The following FGF12 variants were observed in gnomAD, a reference collection of about 807,000 sequenced individuals.
FGF12 encodes the protein fibroblast growth factor 12.
FGF12 carries 14 observed loss-of-function variants against 23.6 expected under a neutral mutation model. The observed-to-expected ratio is 0.59, with a 90% CI of 0.39 to 0.93. The LOEUF (loss-of-function observed/expected upper bound fraction) is 0.93. Ranked by LOEUF, FGF12 falls within the 40% of genes least tolerant of loss-of-function variation. The pLI is 0.00. For synonymous variants in FGF12, 62 were observed against 77.3 expected, an observed-to-expected ratio of 0.80 and a Z score of 1.04; for missense variants, 175 against 217.8, an observed-to-expected ratio of 0.80 and a Z score of 1.24.
intron 2 of FGF12, among the ~76,000 whole-genome samples, chr3:192,502,082 A>G (rs1724148506): frequency 6.6e-6 from 1 of 152,162 alleles, no homozygotes; most frequent in Non-Finnish European, 1.5e-5. Flanking sequence ...GTTGCTCCCT[A>G]GGGTAGAGAT....
chr3:192,581,685 T>C (rs925652828), intron 2 of FGF12, among the ~76,000 whole-genome samples: 21 of 152,010 alleles, frequency 1.4e-4, no homozygotes, highest in Non-Finnish European at 2.9e-4. Context: ...AAAATGTAAA[T>C]GAAAATATTT....
At chr3:192,370,698 G>A (rs530261086) in intron 2 of FGF12, among the ~76,000 whole-genome samples, 1 of 152,342 alleles carries the variant, frequency 6.6e-6, no homozygotes, top group Non-Finnish European at 1.5e-5. Flanking sequence ...AAAGGATACT[G>A]TGGTTATGGG....
chr3:192,520,250 C>T (rs904559755), intron 2 of FGF12, among the ~76,000 whole-genome samples: 2 of 152,136 alleles, frequency 1.3e-5, no homozygotes, highest in Non-Finnish European at 2.9e-5. Context: ...AGATAGATAT[C>T]GTTAATACTT....
At chr3:192,498,847 G>A (rs1724037584) in intron 2 of FGF12, among the ~76,000 whole-genome samples, 1 of 152,186 alleles carries the variant, frequency 6.6e-6, no homozygotes, top group Admixed American at 6.5e-5. Context: ...TGTTATCCCA[G>A]TCCACAACAC....
At chr3:192,599,269 A>AATAATAATAATAATAATTATT (rs3043818) in intron 2 of FGF12, among the ~76,000 whole-genome samples, 136 of 148,092 alleles carry the variant, frequency 9.2e-4, no homozygotes, top group African/African-American at 3.2e-3. Context: ...TAATAATAAT[A>AATAATAATAATAATAATTATT]ATAATAATAA....
intron 2 of FGF12, among the ~76,000 whole-genome samples, chr3:192,523,891 A>C (rs2108847361): frequency 6.6e-6 from 1 of 152,330 alleles, no homozygotes; most frequent in East Asian, 1.9e-4. Context: ...AAACCATGTA[A>C]AACCACATAG....
chr3:192,300,038 C>G (rs1715253041), intron 4 of FGF12, among the ~76,000 whole-genome samples: 1 of 152,192 alleles, frequency 6.6e-6, no homozygotes, highest in African/African-American at 2.4e-5. Context: ...CCTATTTTCT[C>G]TATGGATTGT....
chr3:192,518,410 A>AG (rs2108844462), intron 2 of FGF12, among the ~76,000 whole-genome samples: 2 of 152,272 alleles, frequency 1.3e-5, no homozygotes, highest in South Asian at 4.1e-4. Context: ...TAATTGTGTA[A>AG]GGGAGTTTTG....
intron 2 of FGF12, among the ~76,000 whole-genome samples, chr3:192,507,073 T>C (rs1263323086): frequency 1.3e-5 from 2 of 151,882 alleles, no homozygotes; most frequent in African/African-American, 2.4e-5. Flanking sequence ...TTTGTATTTT[T>C]AGTAGAGACG....
At chr3:192,278,252 T>C (rs1713923813) in intron 4 of FGF12, among the ~76,000 whole-genome samples, 1 of 152,076 alleles carries the variant, frequency 6.6e-6, no homozygotes, top group Non-Finnish European at 1.5e-5. Flanking sequence ...TTCCAGAAAA[T>C]ATAGAAATCT....
intron 2 of FGF12, among the ~76,000 whole-genome samples, chr3:192,608,682 C>T (rs1368143047): frequency 1.3e-5 from 2 of 152,132 alleles, no homozygotes; most frequent in Admixed American, 6.6e-5. Context: ...GATGCTTTTA[C>T]ATCTAGAAGC....
intron 2 of FGF12, among the ~76,000 whole-genome samples, chr3:192,635,694 T>G (rs1422936646): frequency 1.3e-5 from 2 of 152,194 alleles, no homozygotes; most frequent in African/African-American, 4.8e-5. Context: ...TTGCTGTACA[T>G]TTTTTTCTTT....
At chr3:192,578,128 G>C (rs189868903) in intron 2 of FGF12, among the ~76,000 whole-genome samples, 57 of 152,280 alleles carry the variant, frequency 3.7e-4, no homozygotes, top group Non-Finnish European at 4.4e-5. Context: ...TTGTCTGAAA[G>C]ATAATTTCAA....
intron 2 of FGF12, among the ~76,000 whole-genome samples, chr3:192,485,745 T>A (rs1379225862): frequency 6.6e-6 from 1 of 152,160 alleles, no homozygotes; most frequent in Non-Finnish European, 1.5e-5. Flanking sequence ...TTATTCAACA[T>A]ACTTATGTGA....
intron 4 of FGF12, chr3:192,266,920 A>G (rs1321578971): frequency 6.6e-6 from 1 of 152,150 alleles, no homozygotes; most frequent in East Asian, 1.9e-4. Context: ...TATATCTCAA[A>G]AAGCTCTTAT....
chr3:192,169,475 A>G (rs1368440317), intron 5 of FGF12, among the ~76,000 whole-genome samples: 1 of 152,148 alleles, frequency 6.6e-6, no homozygotes, highest in Non-Finnish European at 1.5e-5. Context: ...CAGTGCTTGG[A>G]ACATTGGAAG....
intron 2 of FGF12, among the ~76,000 whole-genome samples, chr3:192,503,452 C>T (rs1295862192): frequency 6.6e-6 from 1 of 152,078 alleles, no homozygotes; most frequent in Admixed American, 6.5e-5. Context: ...GACTATCACC[C>T]AAGTTATATG....
chr3:192,468,072 A>G (rs1723062517), intron 2 of FGF12, among the ~76,000 whole-genome samples: 1 of 152,226 alleles, frequency 6.6e-6, no homozygotes. Context: ...TGACACGGAA[A>G]TTCAAACAGC....
At chr3:192,175,798 C>A (rs75418109) in intron 4 of FGF12, among the ~76,000 whole-genome samples, 6,628 of 152,260 alleles carry the variant, frequency 0.044, 190 homozygotes, top group Admixed American at 0.059. Context: ...CTCCCCATCC[C>A]ATGGGATTCC....
Sources: gnomAD v4.1 joint callset for allele counts (sites outside exome capture counted in the v4.1 genomes callset) on GRCh38, gnomAD v4.1.1 for gene constraint, MANE v1.5 for transcripts, NCBI Gene and HGNC (gene_info 2026-07-23, HGNC 2026-07-21) for gene names.